Variants in DDIAS observed in about 807,000 individuals in gnomAD.
DDIAS encodes the protein DNA damage induced apoptosis suppressor, also known as DNA damage-induced apoptosis suppressor protein.
A neutral mutation model predicts 15.7 loss-of-function variants in DDIAS; 14 were observed. The observed-to-expected ratio is 0.89, with a 90% CI of 0.59 to 1.39. DDIAS has a LOEUF of 1.39. Ranked by LOEUF, DDIAS falls within the 40% of genes most tolerant of loss-of-function variation. The probability of loss-of-function intolerance (pLI) is 0.00; values close to 1 mark genes in which losing one functional copy is unlikely to be tolerated. For synonymous variants in DDIAS, 355 were observed against 395.9 expected (o/e 0.90, Z 1.23); for missense variants, 1,035 against 1,130.9 (o/e 0.92, Z 1.22).
At position 82,914,712 on chromosome 11, in the gene DDIAS, T is replaced by C. The variant is rs771864976; in HGVS notation, c.-16-11T>C. ...TTTGCCAGTCATCCCAATGGCTATT[T>C]TGTTTTGCAGACCACGGTGTGAACA... On this transcript the variant is annotated splice_polypyrimidine_tract_variant and intron_variant, in intron 2 of 5. Transcript: ENST00000533655. The C allele has an allele frequency of 4.3e-6, 6 of 1,407,040 alleles. No individual in the cohort carries two copies. Among genetic ancestry groups the C allele is most frequent in the Non-Finnish European group, 5.0e-6 (5 of 999,010 alleles). The allele number at this position is 1,407,040 out of a possible 1,614,324, so 87.2% of individuals were successfully genotyped here.
chr11:82,910,592 T>TTTTCTC (rs1316575183), intron 1 of DDIAS, among the ~76,000 whole-genome samples: 3 of 139,386 alleles, frequency 2.2e-5, no homozygotes, highest in African/African-American at 8.8e-5. Flanking sequence ...TTTTAATTTT[T>TTTTCTC]TCTCTCTCTC....
chr11:82,913,296 C>G lies in DDIAS; in HGVS notation c.-107C>G, dbSNP rs761990533. 1 of 154,238 alleles carries G rather than the reference C, an allele frequency of 6.5e-6. No homozygotes were observed. Among genetic ancestry groups the G allele is most frequent in the African/African-American group, 2.4e-5 (1 of 41,464 alleles). The allele number at this position is 154,238 out of a possible 1,614,324, so 9.6% of individuals were successfully genotyped here. ...GTTTATTTGGAGATAGGGTCTTGCT[C>G]TGTCACCCAGGCTGGAGTGCCATGG... On this transcript the variant is annotated 5_prime_UTR_variant, in exon 2 of 6. Coordinates refer to ENST00000533655, the MANE Select transcript of DDIAS (RefSeq NM_145018.4).
At chr11:82,918,821 T>G (rs951671115) in intron 3 of DDIAS, among the ~76,000 whole-genome samples, 4 of 151,154 alleles carry the variant, frequency 2.6e-5, no homozygotes, top group East Asian at 1.9e-4. Flanking sequence ...TTGTTTTTTT[T>G]GTGTGGTTTT....
intron 3 of DDIAS, among the ~76,000 whole-genome samples, chr11:82,928,133 G>A (rs1323759762): frequency 7.5e-6 from 1 of 132,480 alleles, no homozygotes; most frequent in African/African-American, 2.8e-5. Context: ...TAAGTGCTTT[G>A]TGTATAAATA....
chr11:82,928,177 C>CTTTTTTTTT lies in DDIAS; in HGVS notation c.114-569_114-561dup, dbSNP rs541845327. Among the ~76,000 whole-genome samples the CTTTTTTTTT allele has an allele frequency of 9.6e-4, 33 of 34,208 alleles. 12 individuals are homozygous for CTTTTTTTTT. Among genetic ancestry groups the CTTTTTTTTT allele is most frequent in the East Asian group, 5.2e-3 (4 of 772 alleles). The allele number at this position is 34,208 out of a possible 152,430, so 22.4% of individuals were successfully genotyped here. The stretch of plus-strand genomic sequence containing the variant: ...ATATTTTGAGATTATTTTTTGTCCT[C>CTTTTTTTTT]TTTTTTTTTTTTTTTTTTTTTTTTT... On this transcript the variant is annotated intron_variant, in intron 3 of 5. Transcript: ENST00000533655.
At chr11:82,915,565 T>C (rs1290764678) in intron 3 of DDIAS, among the ~76,000 whole-genome samples, 1 of 152,212 alleles carries the variant, frequency 6.6e-6, no homozygotes, top group Non-Finnish European at 1.5e-5. Context: ...AACTCATATC[T>C]AGACTCTAAG....
intron 3 of DDIAS, among the ~76,000 whole-genome samples, chr11:82,918,014 G>A (rs1024924300): frequency 1.3e-5 from 2 of 152,000 alleles, no homozygotes; most frequent in Non-Finnish European, 2.9e-5. Flanking sequence ...GTTTGAGTTC[G>A]TTGTAGATTC....
In DDIAS at chr11:82,933,409, A is replaced by G. The variant is rs1861045300; in HGVS notation, c.2071A>G (p.Thr691Ala). 1.2e-6 allele frequency: 2 copies of G among 1,613,976 alleles called. No individual in the cohort carries two copies. Among genetic ancestry groups the G allele is most frequent in the Non-Finnish European group, 1.7e-6 (2 of 1,179,958 alleles). The change falls in exon 6 of 6, where the codon ACT becomes GCT. Residue 691 changes from threonine (T) to alanine (A), a missense_variant. Thr to Ala is a moderately conservative substitution (Grantham distance 58, BLOSUM62 0). Coordinates refer to ENST00000533655, the MANE Select transcript of DDIAS (RefSeq NM_145018.4). Reference sequence around the variant, plus strand: ...TATTGCTAAAGAAATGGACATTGCAACTGAGATTACCAAAAAATCACAGGA... The same window carrying G: ...TATTGCTAAAGAAATGGACATTGCAGCTGAGATTACCAAAAAATCACAGGA... ...DDIAKEMDIA[T>A]EITKKSQDIL... is the part of the protein sequence containing the mutation.
intron 3 of DDIAS, among the ~76,000 whole-genome samples, chr11:82,915,688 G>GCATCCATC (rs58854756): frequency 0.54 from 81,880 of 151,390 alleles, 22,924 homozygotes; most frequent in African/African-American, 0.7. Context: ...TAAATCCTTG[G>GCATCCATC]CTAGGGCTTA....
intron 3 of DDIAS, among the ~76,000 whole-genome samples, chr11:82,915,288 T>C (rs1860609871): frequency 6.6e-6 from 1 of 152,208 alleles, no homozygotes; most frequent in Non-Finnish European, 1.5e-5. Context: ...GAAAGGTGTT[T>C]GGCGTATAAT....
intron 1 of DDIAS, among the ~76,000 whole-genome samples, chr11:82,910,288 T>G (rs1860503158): frequency 6.6e-6 from 1 of 151,302 alleles, no homozygotes; most frequent in Non-Finnish European, 1.5e-5. Flanking sequence ...CCTTTTTTTT[T>G]TTTTTTTTTT....
At position 82,929,011 on chromosome 11, in the gene DDIAS, G is replaced by A; in HGVS notation, c.275+73G>A. On this transcript the variant is annotated intron_variant, in intron 4 of 5. Transcript: ENST00000533655. Reference sequence around the variant, plus strand: ...AAGATACAAGTTTATAAGGCAATATGCATTTTTGTAGAAAGATAATCATTC... The same window carrying A: ...AAGATACAAGTTTATAAGGCAATATACATTTTTGTAGAAAGATAATCATTC... 7 of 1,486,428 alleles carry A rather than the reference G, an allele frequency of 4.7e-6. No individual in the cohort carries two copies. In the East Asian group the frequency reaches 9.4e-5, roughly 20 times the overall value. 92.1% of individuals were successfully genotyped at this position (1,486,428 alleles called of 1,614,324 possible).
intron 1 of DDIAS, among the ~76,000 whole-genome samples, chr11:82,903,772 G>A (rs1860373992): frequency 6.6e-6 from 1 of 152,212 alleles, no homozygotes; most frequent in South Asian, 2.1e-4. Context: ...TCCCATAGCT[G>A]AGGCCTCTTG....
At chr11:82,910,994 C>A (rs922662707) in intron 1 of DDIAS, among the ~76,000 whole-genome samples, 1 of 152,142 alleles carries the variant, frequency 6.6e-6, no homozygotes, top group African/African-American at 2.4e-5. Flanking sequence ...AATGTTTACA[C>A]TATACTGTAG....
At chr11:82,919,086 T>G (rs1590804850) in intron 3 of DDIAS, among the ~76,000 whole-genome samples, 2 of 152,346 alleles carry the variant, frequency 1.3e-5, no homozygotes, top group African/African-American at 4.8e-5. Context: ...ATGCCCTTTC[T>G]TTCTTTCTCT....
rs550046816 is a variant in DDIAS, at chr11:82,930,358, G to T, written c.393+84G>T. 486 of 1,068,660 alleles carry T rather than the reference G, an allele frequency of 4.5e-4. 1 individual carries two copies. The highest frequency in any genetic ancestry group is 5.8e-4 in the Non-Finnish European group (417 of 717,934). 66.2% of individuals were successfully genotyped at this position (1,068,660 alleles called of 1,614,324 possible). A position where few individuals can be genotyped will look rare whatever the true frequency, so the allele number is the denominator to read the frequency against. ...TGTGAATTTTCTAAATAGTTGTTAGGAGTTCTGTACATGTGAAGGCCTGTA... is the reference window on the plus strand; with the variant it reads ...TGTGAATTTTCTAAATAGTTGTTAGTAGTTCTGTACATGTGAAGGCCTGTA... On this transcript the variant is annotated intron_variant, in intron 5 of 5. Coordinates refer to ENST00000533655, the MANE Select transcript of DDIAS (RefSeq NM_145018.4).
At chr11:82,907,442 T>G (rs987885769) in intron 1 of DDIAS, among the ~76,000 whole-genome samples, 17 of 152,222 alleles carry the variant, frequency 1.1e-4, no homozygotes, top group African/African-American at 4.1e-4. Context: ...TTAGGGGAAC[T>G]TCAAATGAAA....
chr11:82,931,001 C>G (rs1173422999), intron 5 of DDIAS, among the ~76,000 whole-genome samples: 2 of 152,170 alleles, frequency 1.3e-5, no homozygotes, highest in African/African-American at 2.4e-5. Flanking sequence ...CTCCCCTCCC[C>G]TCCTCTCTTT....
At chr11:82,902,747 C>T (rs1860347063) in intron 1 of DDIAS, among the ~76,000 whole-genome samples, 1 of 152,186 alleles carries the variant, frequency 6.6e-6, no homozygotes, top group African/African-American at 2.4e-5. Flanking sequence ...CCTTTTAAAT[C>T]AGAAACCCTT....
Sources: gnomAD v4.1 joint callset for allele counts (sites outside exome capture counted in the v4.1 genomes callset) on GRCh38, gnomAD v4.1.1 for gene constraint, MANE v1.5 for transcripts, NCBI Gene and HGNC (gene_info 2026-07-23, HGNC 2026-07-21) for gene names.